The following PPARGC1B variants were observed in gnomAD, a reference collection of about 807,000 sequenced individuals.
PPARGC1B encodes the protein PPARG coactivator 1 beta.
PPARGC1B carries 34 observed loss-of-function variants against 101.6 expected under a neutral mutation model. The ratio of observed to expected loss-of-function variants is 0.33; its 90% CI spans 0.25 to 0.45. PPARGC1B has a LOEUF of 0.45. PPARGC1B is among the 20% of genes least tolerant of loss of function. The probability of loss-of-function intolerance (pLI) is 1.00; values close to 1 mark genes in which losing one functional copy is unlikely to be tolerated. For missense variants in PPARGC1B, 1,234 were observed against 1,317.6 expected, an observed-to-expected ratio of 0.94 and a Z score of 0.98; for synonymous variants, 548 against 539.3, an observed-to-expected ratio of 1.02 and a Z score of -0.22.
chr5:149,755,040 C>CATATATATAT lies in PPARGC1B; in HGVS notation c.78+24625_78+24626insTATATATATA, dbSNP rs761461783. ...TACCCACACATATACACTACATATACATATACATATACATATATATATATA... is the reference window on the plus strand; with the variant it reads ...TACCCACACATATACACTACATATACATATATATATATATACATATACATATATATATATA... On this transcript the variant is annotated intron_variant, in intron 1 of 11. Transcript: ENST00000309241. Among the ~76,000 whole-genome samples, 51 of 85,222 alleles carry CATATATATAT rather than the reference C, an allele frequency of 6.0e-4. No individual in the cohort carries two copies. The East Asian group carries it at 9.0e-3, about 15-fold the overall frequency. 55.9% of individuals were successfully genotyped at this position (85,222 alleles called of 152,430 possible).
In PPARGC1B at chr5:149,826,727, A is replaced by G. The variant is rs1054067506; in HGVS notation, c.307A>G (p.Ile103Val). ...LAELTKTLDDIPEDDVGLAAF... is the reference protein window; with the variant it reads ...LAELTKTLDDVPEDDVGLAAF... The stretch of plus-strand genomic sequence containing the variant: ...AGAGCTCACCAAGACCCTGGATGAC[A>G]TCCCTGAAGATGACGTGGGTCTGGC... The change falls in exon 3 of 12, where the codon ATC becomes GTC. Residue 103 changes from isoleucine (I) to valine (V), a missense_variant. By Grantham distance (29) the Ile-to-Val change is conservative. Around this residue, in one of 3 missense-constraint regions of PPARGC1B, gnomAD observed 734 missense variants for 768.4 expected, o/e 0.96. Coordinates refer to ENST00000309241, the MANE Select transcript of PPARGC1B (RefSeq NM_133263.4). The G allele has an allele frequency of 6.2e-7, 1 of 1,613,958 alleles. No homozygotes were observed. Among genetic ancestry groups the G allele is most frequent in the African/African-American group, 1.3e-5 (1 of 74,956 alleles).
At position 149,732,505 on chromosome 5, in the gene PPARGC1B, A is replaced by G. The variant is rs555126482; in HGVS notation, c.78+2085A>G. On this transcript the variant is annotated intron_variant, in intron 1 of 11. Transcript: ENST00000309241. ...CCCAGCGAGCCTAGCTAGCAGAAAT[A>G]TTTCAACTAAGGAAACTAGAAAATT... is the stretch of plus-strand genomic sequence containing the variant. Among the ~76,000 whole-genome samples the G allele has an allele frequency of 2.0e-5, 3 of 152,368 alleles. No individual in the cohort carries two copies. The South Asian group carries it at 6.2e-4, about 32-fold the overall frequency.
At chr5:149,759,262 G>A (rs4705372) in intron 1 of PPARGC1B, among the ~76,000 whole-genome samples, 17,399 of 152,222 alleles carry the variant, frequency 0.11, 1,318 homozygotes, top group Admixed American at 0.23. Flanking sequence ...CCTCATGGAT[G>A]TAGCTTGAGA....
intron 1 of PPARGC1B, among the ~76,000 whole-genome samples, chr5:149,807,788 G>T (rs775661921): frequency 2.6e-5 from 4 of 152,062 alleles, no homozygotes; most frequent in Non-Finnish European, 5.9e-5. Flanking sequence ...GAGGTTATGG[G>T]CCCCATTGCA....
rs563441845 is a variant in PPARGC1B at position 149,810,651 on chromosome 5, A to G, written c.79-9782A>G. Reference sequence around the variant, plus strand: ...TCTCTTTCCCTTATCATTTAAAGAGAGATGGATCTAATGTAGAACTTTTGG... The same window carrying G: ...TCTCTTTCCCTTATCATTTAAAGAGGGATGGATCTAATGTAGAACTTTTGG... On this transcript the variant is annotated intron_variant, in intron 1 of 11. Transcript: ENST00000309241. Among the ~76,000 whole-genome samples, 3 of 152,328 alleles carry G rather than the reference A, an allele frequency of 2.0e-5. 1 individual carries two copies. The highest frequency in any genetic ancestry group is 2.0e-4 in the Admixed American group (3 of 15,300).
chr5:149,772,807 ATTGTGT>A (rs1303679766), intron 1 of PPARGC1B, among the ~76,000 whole-genome samples: 1 of 152,178 alleles, frequency 6.6e-6, no homozygotes, highest in East Asian at 1.9e-4. Context: ...GCCTCTAACA[ATTGTGT>A]TTTCTGTAAC....
chr5:149,834,311 A>G (rs1225803132), intron 5 of PPARGC1B, among the ~76,000 whole-genome samples: 3 of 152,234 alleles, frequency 2.0e-5, no homozygotes. Flanking sequence ...ATTTTATGAT[A>G]CAGAAACTCA....
chr5:149,767,106 A>T (rs1755937969), intron 1 of PPARGC1B, among the ~76,000 whole-genome samples: 1 of 152,232 alleles, frequency 6.6e-6, no homozygotes, highest in Non-Finnish European at 1.5e-5. Flanking sequence ...TCTTCCTTGC[A>T]CTAGAAAACA....
rs975931083 is a variant in PPARGC1B, at chr5:149,847,986, GA to G, written c.*437del. 2.3e-4 allele frequency: 40 copies of G among 175,818 alleles called. No homozygotes were observed. The highest frequency in any genetic ancestry group is 4.2e-4 in the South Asian group (3 of 7,140). The allele number at this position is 175,818 out of a possible 1,614,324, so 10.9% of individuals were successfully genotyped here. ...AGGACTATAAACTTCATTTTTAATTGAAAAAAAAAGTATATCCTTAAAATAA... is the reference window on the plus strand; with the variant it reads ...AGGACTATAAACTTCATTTTTAATTGAAAAAAAAGTATATCCTTAAAATAA... On this transcript the variant is annotated 3_prime_UTR_variant, in exon 12 of 12. Transcript: ENST00000309241.
In PPARGC1B at chr5:149,822,981, G is replaced by C. The variant is rs1253778824; in HGVS notation, c.252+2375G>C. 9.2e-5 allele frequency among the ~76,000 whole-genome samples: 14 copies of C among 152,322 alleles called. 1 individual carries two copies. Among genetic ancestry groups the C allele is most frequent in the African/African-American group, 3.1e-4 (13 of 41,576 alleles). On this transcript the variant is annotated intron_variant, in intron 2 of 11. Transcript: ENST00000309241. Reference sequence around the variant, plus strand: ...GTGTTAACAATTAAATGGCACCATTGTTATGGAAACAAACTGGGAGAGTAG... The same window carrying C: ...GTGTTAACAATTAAATGGCACCATTCTTATGGAAACAAACTGGGAGAGTAG...
At chr5:149,781,674 G>C (rs1266111051) in intron 1 of PPARGC1B, among the ~76,000 whole-genome samples, 2 of 152,198 alleles carry the variant, frequency 1.3e-5, no homozygotes, top group Non-Finnish European at 2.9e-5. Context: ...CTAAATTTCT[G>C]CTTTACGGAA....
At chr5:149,772,125 G>A (rs765384260) in intron 1 of PPARGC1B, 13 of 1,598,684 alleles carry the variant, frequency 8.1e-6, no homozygotes, top group South Asian at 3.4e-5. Flanking sequence ...TGGAGGAGCC[G>A]CCACCAGAGC....
In PPARGC1B at chr5:149,832,871, C is replaced by T. The variant is rs1758854834; in HGVS notation, c.798C>T (p.Asp266=). 1 of 1,611,752 alleles carries T rather than the reference C, an allele frequency of 6.2e-7. No individual in the cohort carries two copies. The highest frequency in any genetic ancestry group is 8.5e-7 in the Non-Finnish European group (1 of 1,178,966). The change falls in exon 5 of 12, where the codon GAC becomes GAT. Residue 266 remains aspartate (D), a synonymous_variant. Coordinates refer to ENST00000309241, the MANE Select transcript of PPARGC1B (RefSeq NM_133263.4). The surrounding 1 kb of genome is among the most constrained non-coding windows in gnomAD (Gnocchi z 4.9). The part of the protein sequence containing the change: ...SPQPAPASPR[D]SLALGRADPG... ...AGCCAGCTCCAGCCTCTCCCCGGGA[C>T]TCCCTAGCTCTGGGCAGGGCAGACC...
intron 1 of PPARGC1B, chr5:149,771,911 G>A (rs895714258): frequency 1.3e-5 from 12 of 925,688 alleles, no homozygotes; most frequent in Non-Finnish European, 1.8e-5. Flanking sequence ...GTCACTGAAC[G>A]TTGTCCCCAA....
intron 6 of PPARGC1B, 101 bp from the exon 7 acceptor site, chr5:149,835,186 TGGGCAGTGGAACCA>T: frequency 1.1e-6 from 1 of 910,142 alleles, no homozygotes; most frequent in Non-Finnish European, 1.8e-6. Context: ...TCCATTTCCA[TGGGCAGTGGAACCA>T]GGGCCTGTCA....
intron 2 of PPARGC1B, among the ~76,000 whole-genome samples, chr5:149,822,864 C>T (rs1339131113): frequency 6.6e-6 from 1 of 152,106 alleles, no homozygotes; most frequent in Middle Eastern, 3.2e-3. Context: ...GATCTAGGAG[C>T]CATAGGTTCT....
chr5:149,769,278 A>G (rs1412731055), intron 1 of PPARGC1B, among the ~76,000 whole-genome samples: 1 of 152,172 alleles, frequency 6.6e-6, no homozygotes, highest in Non-Finnish European at 1.5e-5. Flanking sequence ...TTACTTGCCC[A>G]CCACTTATCT....
intron 1 of PPARGC1B, among the ~76,000 whole-genome samples, chr5:149,759,806 C>T (rs1755657884): frequency 1.3e-5 from 2 of 152,264 alleles, no homozygotes; most frequent in South Asian, 2.1e-4. Flanking sequence ...TGCCAAGAGC[C>T]CCCTGGGCCA....
At chr5:149,783,091 A>AAGAGAGAGAGAGAGAG (rs56799682) in intron 1 of PPARGC1B, among the ~76,000 whole-genome samples, 1 of 149,930 alleles carries the variant, frequency 6.7e-6, no homozygotes, top group African/African-American at 2.5e-5. Flanking sequence ...ATGAGAGATA[A>AAGAGAGAGAGAGAGAG]AGAGAGAGAG....
Sources: allele counts gnomAD v4.1 joint callset (sites outside exome capture counted in the v4.1 genomes callset), GRCh38; gene constraint gnomAD v4.1.1; regional missense constraint gnomAD v4.1.1; non-coding constraint Gnocchi (gnomAD v3.1); transcripts MANE v1.5; gene names NCBI Gene and HGNC (gene_info 2026-07-23, HGNC 2026-07-21).